ZFPL1: variants seen among roughly 807,000 people sequenced by gnomAD.
The protein encoded by ZFPL1 is zinc finger protein-like 1.
In ZFPL1, 28 loss-of-function variants were observed where a neutral mutation model predicts 32.0. The observed-to-expected ratio is 0.87, with a 90% CI of 0.65 to 1.20. The LOEUF is 1.20. ZFPL1 is among the 50% of genes most tolerant of loss of function. ZFPL1 has a pLI of 0.00. For missense variants in ZFPL1, 386 were observed against 424.8 expected, an observed-to-expected ratio of 0.91 and a Z score of 0.80; for synonymous variants, 165 against 177.0, an observed-to-expected ratio of 0.93 and a Z score of 0.54.
rs755299837 is a variant in ZFPL1 at position 65,087,913 on chromosome 11, C to G, written c.747-15C>G. 2.6e-6 allele frequency: 4 copies of G among 1,545,944 alleles called. No individual in the cohort carries two copies. The South Asian group carries it at 3.6e-5, about 14-fold the overall frequency. ...GGGACTGGGGCCTGACCTGATTTTC[C>G]CCTCATCCCCCCAGGAGCCGGGCTG... is the stretch of plus-strand genomic sequence containing the variant. On this transcript the variant is annotated splice_polypyrimidine_tract_variant and intron_variant, in intron 7 of 7. Coordinates refer to ENST00000294258, the MANE Select transcript of ZFPL1 (RefSeq NM_006782.4).
chr11:65,085,173 G>A lies in ZFPL1; in HGVS notation c.161G>A (p.Arg54His), dbSNP rs531582023. The A allele has an allele frequency of 1.1e-5, 17 of 1,614,044 alleles. No individual in the cohort carries two copies. The highest frequency in any genetic ancestry group is 3.3e-4 in the Middle Eastern group (2 of 6,062). ...GATAGCGACTACAACCCCAATTGCC[G>A]CCTGTGCAACATACCCCTGGCCAGC... The part of the protein sequence containing the change: ...LQDSDYNPNC[R>H]LCNIPLASRE... The change falls in exon 3 of 8, where the codon CGC becomes CAC. Residue 54 changes from arginine to histidine, a missense_variant. Physicochemically the swap from Arg to His is conservative, Grantham distance 29. Transcript: ENST00000294258.
rs373099256 is a variant in ZFPL1, at chr11:65,087,026, G to A, written c.580G>A (p.Glu194Lys). The A allele has an allele frequency of 6.2e-6, 10 of 1,613,770 alleles. No individual in the cohort carries two copies. The highest frequency in any genetic ancestry group is 4.0e-5 in the African/African-American group (3 of 74,908). Residue 194 changes from glutamate (E) to lysine (K), a missense_variant, in exon 6 of 8, where the codon GAG becomes AAG. Coordinates refer to ENST00000294258, the MANE Select transcript of ZFPL1 (RefSeq NM_006782.4). ...PRPPASPGRP[E>K]QHTVIHMGNP... Reference sequence around the variant, plus strand: ...GCCCCCAGCTTCCCCAGGCCGGCCCGAGCAGCACACAGTGATCCACATGGG... The same window carrying A: ...GCCCCCAGCTTCCCCAGGCCGGCCCAAGCAGCACACAGTGATCCACATGGG...
At position 65,085,239 on chromosome 11, in the gene ZFPL1, C is replaced by T. The variant is rs1307141536; in HGVS notation, c.214+13C>T. On this transcript the variant is annotated intron_variant, in intron 3 of 7. Transcript: ENST00000294258. Reference sequence around the variant, plus strand: ...CTTGTCTGCTATGGTGAGGCCTTGGCACCTCGGGGGGATCAGGCCAGCCTC... The same window carrying T: ...CTTGTCTGCTATGGTGAGGCCTTGGTACCTCGGGGGGATCAGGCCAGCCTC... 1 of 1,612,684 alleles carries T rather than the reference C, an allele frequency of 6.2e-7. No homozygotes were observed. Among genetic ancestry groups the T allele is most frequent in the Non-Finnish European group, 8.5e-7 (1 of 1,178,902 alleles).
chr11:65,087,033 A>G lies in ZFPL1; in HGVS notation c.587A>G (p.His196Arg). 4 of 1,613,934 alleles carry G rather than the reference A, an allele frequency of 2.5e-6. No individual in the cohort carries two copies. Among genetic ancestry groups the G allele is most frequent in the Non-Finnish European group, 3.4e-6 (4 of 1,179,966 alleles). Residue 196 changes from histidine to arginine, a missense_variant, in exon 6 of 8, where the codon CAC becomes CGC. Coordinates refer to ENST00000294258, the MANE Select transcript of ZFPL1 (RefSeq NM_006782.4). ...GCTTCCCCAGGCCGGCCCGAGCAGC[A>G]CACAGTGATCCACATGGGCAATCCT... ...PPASPGRPEQ[H>R]TVIHMGNPEP...
At chr11:65,086,048 T>G in intron 3 of ZFPL1, 1 of 326,682 alleles carries the variant, frequency 3.1e-6, no homozygotes. Flanking sequence ...GATGTGTACA[T>G]GTATATGTGT....
At position 65,088,054 on chromosome 11, in the gene ZFPL1, T is replaced by C; in HGVS notation, c.873T>C (p.Ala291=). The change falls in exon 8 of 8, where the codon GCT becomes GCC. Residue 291 remains alanine, a synonymous_variant. Coordinates refer to ENST00000294258, the MANE Select transcript of ZFPL1 (RefSeq NM_006782.4). ...TGTCTCGCCTAGGCCGGGCCGCAGC[T>C]GACAGCGATCCCAACCTGGACCCAC... ...ALMSRLGRAA[A]DSDPNLDPLM... 1 of 1,611,722 alleles carries C rather than the reference T, an allele frequency of 6.2e-7. No individual in the cohort carries two copies. Among genetic ancestry groups the C allele is most frequent in the Non-Finnish European group, 8.5e-7 (1 of 1,179,556 alleles).
chr11:65,087,079 G>A lies in ZFPL1; in HGVS notation c.628+5G>A. 6.2e-7 allele frequency: 1 copy of A among 1,610,054 alleles called. No individual in the cohort carries two copies. The highest frequency in any genetic ancestry group is 1.3e-5 in the African/African-American group (1 of 74,976). ...ATCCTGAGCCCTTGACTCACGGTGA[G>A]CCTGGGAGTTATCCAGGCCGCAGAA... On this transcript the variant is annotated splice_donor_5th_base_variant and intron_variant, in intron 6 of 7. Coordinates refer to ENST00000294258, the MANE Select transcript of ZFPL1 (RefSeq NM_006782.4).
At chr11:65,086,225 G>T in intron 3 of ZFPL1, 190 bp from the exon 4 acceptor site, 1 of 784,060 alleles carries the variant, frequency 1.3e-6, no homozygotes, top group Non-Finnish European at 2.1e-6. Flanking sequence ...CAGCTTGGTA[G>T]CACCTGCCTG....
At chr11:65,086,241 A>T in intron 3 of ZFPL1, 174 bp from the exon 4 acceptor site, 1 of 893,070 alleles carries the variant, frequency 1.1e-6, no homozygotes, top group Non-Finnish European at 1.7e-6. Context: ...GCCTGGACTT[A>T]GATGGTGGTA....
chr11:65,086,672 G>A, intron 4 of ZFPL1, 48 bp from the exon 5 acceptor site: 1 of 1,614,186 alleles, frequency 6.2e-7, no homozygotes, highest in Non-Finnish European at 8.5e-7. Context: ...CAGATGGGTG[G>A]GTGGGGACAA....
chr11:65,084,627 C>G, intron 1 of ZFPL1, 64 bp from the exon 2 acceptor site: 1 of 1,392,464 alleles, frequency 7.2e-7, no homozygotes, highest in Non-Finnish European at 1.0e-6. Flanking sequence ...GGAAACTGGG[C>G]TGGTGAGAGC....
chr11:65,085,066 T>C, intron 2 of ZFPL1, 49 bp from the exon 3 acceptor site: 8 of 1,568,222 alleles, frequency 5.1e-6, no homozygotes, highest in Non-Finnish European at 7.0e-6. Context: ...CTTGGGGTGA[T>C]AGGCCGAGCA....
In ZFPL1 at chr11:65,084,985, T is replaced by C. The variant is rs1183751145; in HGVS notation, c.103-130T>C. 2.8e-6 allele frequency: 3 copies of C among 1,060,406 alleles called. No homozygotes were observed. In the African/African-American group the frequency reaches 4.7e-5, roughly 17 times the overall value. 65.7% of individuals were successfully genotyped at this position (1,060,406 alleles called of 1,614,324 possible). A position where few individuals can be genotyped will look rare whatever the true frequency, so the allele number is the denominator to read the frequency against. ...AGTCTGGTGCACAGTATGTGCTCAA[T>C]AAATATTTATTGATTAAACAAACGA... On this transcript the variant is annotated intron_variant, in intron 2 of 7. Coordinates refer to ENST00000294258, the MANE Select transcript of ZFPL1 (RefSeq NM_006782.4).
intron 3 of ZFPL1, 112 bp from the exon 4 acceptor site, chr11:65,086,303 C>A: frequency 1.5e-6 from 2 of 1,351,142 alleles, no homozygotes; most frequent in Admixed American, 1.7e-5. Context: ...AAGGCTCTGG[C>A]ACACACACAT....
At chr11:65,085,004 C>A in intron 2 of ZFPL1, 111 bp from the exon 3 acceptor site, 1 of 1,171,948 alleles carries the variant, frequency 8.5e-7, no homozygotes, top group Non-Finnish European at 1.3e-6. Flanking sequence ...ATTGATTAAA[C>A]AAACGAAAGG....
At position 65,087,306 on chromosome 11, in the gene ZFPL1, C is replaced by T. The variant is rs1185292472; in HGVS notation, c.629-10C>T. 1.9e-6 allele frequency: 3 copies of T among 1,613,788 alleles called. No homozygotes were observed. The highest frequency in any genetic ancestry group is 1.7e-5 in the Admixed American group (1 of 59,996). Reference sequence around the variant, plus strand: ...CTGAGTCTATTGATGCTAGTGGCTCCACCCTGTAGCCCCTAGGAAGGTGTA... The same window carrying T: ...CTGAGTCTATTGATGCTAGTGGCTCTACCCTGTAGCCCCTAGGAAGGTGTA... On this transcript the variant is annotated splice_polypyrimidine_tract_variant and intron_variant, in intron 6 of 7. Transcript: ENST00000294258.
chr11:65,084,506 G>C, intron 1 of ZFPL1, 128 bp downstream of exon 1: 1 of 608,940 alleles, frequency 1.6e-6, no homozygotes. Flanking sequence ...AGGATTGAGG[G>C]GTCGCCGGAG....
intron 3 of ZFPL1, chr11:65,086,199 AC>A (rs1241413448): frequency 1.5e-6 from 1 of 659,556 alleles, no homozygotes; most frequent in South Asian, 1.8e-5. Context: ...ACCCAAACTT[AC>A]CCCTGTGAGC....
chr11:65,086,473 A>T lies in ZFPL1; in HGVS notation c.273A>T (p.Ala91=). 6.2e-7 allele frequency: 1 copy of T among 1,613,910 alleles called. No individual in the cohort carries two copies. Among genetic ancestry groups the T allele is most frequent in the Non-Finnish European group, 8.5e-7 (1 of 1,180,000 alleles). The change falls in exon 4 of 8, where the codon GCA becomes GCT. Residue 91 remains alanine (A), a synonymous_variant. Transcript: ENST00000294258. ...ERAAQLPRNT[A]PAGYQCPSCN... is the part of the protein sequence containing the mutation. The stretch of plus-strand genomic sequence containing the variant: ...CTGCCCAGCTACCCCGAAACACGGC[A>T]CCTGCCGGCTATCAGTGCCCCAGCT...
Sources: gnomAD v4.1 joint callset for allele counts on GRCh38, gnomAD v4.1.1 for gene constraint, MANE v1.5 for transcripts, NCBI Gene and HGNC (gene_info 2026-07-23, HGNC 2026-07-21) for gene names.